Variants in TMEM45A observed in about 807,000 individuals in gnomAD.
TMEM45A encodes the protein DNA polymerase-transactivated protein 4.
In TMEM45A, 25 loss-of-function variants were observed where a neutral mutation model predicts 32.0. That is an observed-to-expected ratio of 0.78 (90% CI 0.57 to 1.09). TMEM45A has a LOEUF of 1.09. TMEM45A is among the 50% of genes least tolerant of loss of function. The pLI is 0.00. For synonymous variants in TMEM45A, 122 were observed against 114.8 expected (o/e 1.06, Z -0.40); for missense variants, 302 against 325.0 (o/e 0.93, Z 0.54).
At chr3:100,548,972 G>A (rs58029125) in intron 1 of TMEM45A, among the ~76,000 whole-genome samples, 16,047 of 152,218 alleles carry the variant, frequency 0.11, 2,823 homozygotes, top group African/African-American at 0.36. Flanking sequence ...CTTTGGCCGG[G>A]CATGCTGGCT....
chr3:100,547,455 A>G (rs1181210192), intron 1 of TMEM45A, among the ~76,000 whole-genome samples: 1 of 152,142 alleles, frequency 6.6e-6, no homozygotes, highest in African/African-American at 2.4e-5. Flanking sequence ...TAAGCTAGAG[A>G]AAAGAAAATG....
intron 1 of TMEM45A, among the ~76,000 whole-genome samples, chr3:100,538,667 C>A (rs55764247): frequency 2.6e-5 from 4 of 151,912 alleles, no homozygotes; most frequent in Non-Finnish European, 1.5e-5. Context: ...AAATCCCAAA[C>A]AATCAACAAT....
chr3:100,498,192 T>C (rs1261453863), intron 1 of TMEM45A, among the ~76,000 whole-genome samples: 1 of 152,216 alleles, frequency 6.6e-6, no homozygotes, highest in Non-Finnish European at 1.5e-5. Flanking sequence ...CTGCCATGAT[T>C]GTAAGTTTCC....
At chr3:100,571,013 A>G (rs371040957) in intron 5 of TMEM45A, 2 of 152,200 alleles carry the variant, frequency 1.3e-5, no homozygotes, top group African/African-American at 2.4e-5. Flanking sequence ...TATGAAAAAC[A>G]TATGGGTAAA....
intron 1 of TMEM45A, among the ~76,000 whole-genome samples, chr3:100,536,705 T>C (rs6802787): frequency 0.53 from 79,848 of 152,012 alleles, 23,123 homozygotes; most frequent in African/African-American, 0.78. Context: ...ACAGCTTTGC[T>C]CAGGGCATGA....
intron 1 of TMEM45A, among the ~76,000 whole-genome samples, chr3:100,514,780 GA>G (rs1272155421): frequency 6.6e-6 from 1 of 151,506 alleles, no homozygotes; most frequent in Non-Finnish European, 1.5e-5. Context: ...AAATTTACAA[GA>G]AAAAAACAAA....
intron 4 of TMEM45A, 67 bp downstream of exon 4, chr3:100,558,656 G>T: frequency 1.9e-6 from 3 of 1,540,590 alleles, no homozygotes; most frequent in Non-Finnish European, 2.7e-6. Flanking sequence ...TATTTGATGA[G>T]GCAGTTTGCT....
chr3:100,499,290 T>C (rs1707978062), intron 1 of TMEM45A, among the ~76,000 whole-genome samples: 1 of 152,236 alleles, frequency 6.6e-6, no homozygotes, highest in Non-Finnish European at 1.5e-5. Flanking sequence ...TGAAGCTTTT[T>C]CCATATGCCT....
At chr3:100,528,934 C>T (rs1481645283) in intron 1 of TMEM45A, among the ~76,000 whole-genome samples, 1 of 152,068 alleles carries the variant, frequency 6.6e-6, no homozygotes, top group Non-Finnish European at 1.5e-5. Context: ...AAAAAAATGA[C>T]TTTCATATGA....
At chr3:100,535,145 G>A (rs1705719092) in intron 1 of TMEM45A, among the ~76,000 whole-genome samples, 1 of 151,382 alleles carries the variant, frequency 6.6e-6, no homozygotes, top group Non-Finnish European at 1.5e-5. Context: ...TTTTGAGATG[G>A]AGTCTCACTC....
At chr3:100,556,422 G>A (rs1230155520) in intron 2 of TMEM45A, among the ~76,000 whole-genome samples, 1 of 152,194 alleles carries the variant, frequency 6.6e-6, no homozygotes, top group Non-Finnish European at 1.5e-5. Flanking sequence ...ATCTCCATAG[G>A]AGTTGTCTCC....
At chr3:100,568,762 G>T in intron 4 of TMEM45A, 60 bp from the exon 5 acceptor site, 1 of 1,483,996 alleles carries the variant, frequency 6.7e-7, no homozygotes, top group Admixed American at 1.8e-5. Context: ...ATTTTGAAAT[G>T]TACCATTTTT....
At chr3:100,530,014 A>G (rs1056997615) in intron 1 of TMEM45A, among the ~76,000 whole-genome samples, 1 of 152,190 alleles carries the variant, frequency 6.6e-6, no homozygotes, top group Non-Finnish European at 1.5e-5. Context: ...TGGCTCTTCC[A>G]TCTCTTTTTA....
In TMEM45A at chr3:100,558,577, C is replaced by G; in HGVS notation, c.576C>G (p.Ser192Arg). Residue 192 changes from serine to arginine, a missense_variant, in exon 4 of 6, where the codon AGC (serine) becomes AGG (arginine). Transcript: ENST00000323523. Reference sequence around the variant, plus strand: ...CAAGTCTCATTCTGCTTCAGGGGAGCTGGTTCTTTCAGGTGAGTTGGGGCC... The same window carrying G: ...CAAGTCTCATTCTGCTTCAGGGGAGGTGGTTCTTTCAGGTGAGTTGGGGCC... ...LRSSLILLQG[S>R]WFFQIGFVLY... The G allele has an allele frequency of 6.2e-7, 1 of 1,613,820 alleles. No individual in the cohort carries two copies. Among genetic ancestry groups the G allele is most frequent in the Non-Finnish European group, 8.5e-7 (1 of 1,179,792 alleles).
chr3:100,564,208 A>G (rs576706686), intron 4 of TMEM45A, among the ~76,000 whole-genome samples: 1 of 152,364 alleles, frequency 6.6e-6, no homozygotes, highest in South Asian at 2.1e-4. Flanking sequence ...GGGAAAATGT[A>G]TGACTCTGAC....
chr3:100,556,199 G>A (rs1207908417), intron 2 of TMEM45A, among the ~76,000 whole-genome samples: 4 of 152,084 alleles, frequency 2.6e-5, no homozygotes, highest in African/African-American at 9.7e-5. Context: ...CAGGCTGGTT[G>A]CGAACTCCTG....
intron 1 of TMEM45A, among the ~76,000 whole-genome samples, chr3:100,545,120 A>T (rs1380393340): frequency 2.0e-5 from 3 of 152,244 alleles, no homozygotes; most frequent in Admixed American, 6.5e-5. Context: ...ATTTGTATAC[A>T]GAAGTTTTAA....
At chr3:100,516,531 C>T (rs1450445917) in intron 1 of TMEM45A, among the ~76,000 whole-genome samples, 1 of 152,164 alleles carries the variant, frequency 6.6e-6, no homozygotes, top group African/African-American at 2.4e-5. Flanking sequence ...GTTTACTTTA[C>T]CTCCATCGCA....
chr3:100,500,797 T>A (rs1441687649), intron 1 of TMEM45A, among the ~76,000 whole-genome samples: 8 of 152,108 alleles, frequency 5.3e-5, no homozygotes, highest in Non-Finnish European at 1.0e-4. Context: ...AAGAGAAATT[T>A]AAAAAAAATG....
Sources: gnomAD v4.1 joint callset for allele counts (sites outside exome capture counted in the v4.1 genomes callset) on GRCh38, gnomAD v4.1.1 for gene constraint, MANE v1.5 for transcripts, NCBI Gene and HGNC (gene_info 2026-07-23, HGNC 2026-07-21) for gene names.